The following BMX variants were observed in gnomAD, a reference collection of about 807,000 sequenced individuals.
The protein encoded by BMX is BMX non-receptor tyrosine kinase, also known as cytoplasmic tyrosine-protein kinase BMX.
BMX carries 31 observed loss-of-function variants against 59.2 expected under a neutral mutation model. The ratio of observed to expected loss-of-function variants is 0.52; its 90% confidence interval spans 0.39 to 0.71. The LOEUF (loss-of-function observed/expected upper bound fraction) is 0.71, where lower values mean the gene tolerates loss of function less well. Among genes scored for constraint, BMX ranks in the 30% least tolerant of loss-of-function variants. The pLI, the probability that BMX is intolerant of heterozygous loss-of-function variation, is 0.00. For synonymous variants in BMX, 185 were observed against 181.0 expected (o/e 1.02, Z -0.18); for missense variants, 474 against 491.7 (o/e 0.96, Z 0.34).
chrX:15,506,306 T>C (rs936468459), intron 1 of BMX, among the ~76,000 whole-genome samples: 1 of 112,051 alleles, frequency 8.9e-6, no homozygotes, highest in African/African-American at 3.3e-5. Flanking sequence ...TAATACAGTG[T>C]TGTTAATGTC....
At chrX:15,534,491 C>A in intron 12 of BMX, 152 bp downstream of exon 12, 1 of 452,524 alleles carries the variant, frequency 2.2e-6, no homozygotes, top group Non-Finnish European at 3.3e-6. Flanking sequence ...TAATTTTTAG[C>A]TTACATTCCC....
chrX:15,516,719 G>A (rs56803997), intron 5 of BMX, among the ~76,000 whole-genome samples: 11,397 of 108,953 alleles, frequency 0.1, 1,455 homozygotes, highest in African/African-American at 0.36. Flanking sequence ...TCATCACCAT[G>A]TATACTAAAA....
intron 6 of BMX, 132 bp downstream of exon 6, chrX:15,518,125 A>G (rs1032574891): frequency 4.2e-6 from 2 of 472,084 alleles, no homozygotes; most frequent in Non-Finnish European, 3.5e-6. Context: ...CATGAGCTCT[A>G]GATAATAGCT....
chrX:15,511,383 A>G (rs1461574914), intron 3 of BMX, 54 bp from the exon 4 acceptor site: 2 of 1,057,050 alleles, frequency 1.9e-6, no homozygotes, highest in Non-Finnish European at 2.6e-6. Context: ...CAGGTGCACC[A>G]AAGTGAAGTA....
chrX:15,543,656 A>C (rs1049882243), intron 16 of BMX, among the ~76,000 whole-genome samples: 8 of 106,577 alleles, frequency 7.5e-5, no homozygotes, highest in Non-Finnish European at 1.4e-4. Context: ...TAAAAAAAAA[A>C]CCTGATGTTC....
chrX:15,525,878 C>T lies in BMX; in HGVS notation c.831-164C>T, dbSNP rs186659886. ...CAACTTTTGAGTGACTCTCTCTTTACTGTTGCTGTGTTGATACTTTGCCAG... is the reference window on the plus strand; with the variant it reads ...CAACTTTTGAGTGACTCTCTCTTTATTGTTGCTGTGTTGATACTTTGCCAG... On this transcript the variant is annotated intron_variant, in intron 8 of 18. Coordinates refer to ENST00000348343, the MANE Select transcript of BMX (RefSeq NM_203281.3). Among the ~76,000 whole-genome samples, 20 of 112,422 alleles carry T rather than the reference C, an allele frequency of 1.8e-4. No homozygotes were observed. The Admixed American group carries it at 1.9e-3, about 11-fold the overall frequency.
intron 2 of BMX, 23 bp downstream of exon 2, chrX:15,508,514 A>G: frequency 9.1e-7 from 1 of 1,100,128 alleles, no homozygotes; most frequent in Non-Finnish European, 1.2e-6. Context: ...GTGTTCCATT[A>G]TTTTTATACT....
chrX:15,511,002 C>T (rs1302140460), intron 3 of BMX, among the ~76,000 whole-genome samples: 1 of 111,925 alleles, frequency 8.9e-6, no homozygotes, highest in African/African-American at 3.2e-5. Flanking sequence ...TGGATATTGG[C>T]AGAGATGACA....
chrX:15,551,187 ACATTATTCTAAGAGCC>A (rs1329374842), intron 18 of BMX, among the ~76,000 whole-genome samples: 1 of 111,683 alleles, frequency 9.0e-6, no homozygotes, highest in African/African-American at 3.3e-5. Flanking sequence ...GCTTTTGAGA[ACATTATTCTAAGAGCC>A]CATGTTCATA....
chrX:15,511,771 C>A (rs1381570093), intron 4 of BMX, among the ~76,000 whole-genome samples: 1 of 111,620 alleles, frequency 9.0e-6, no homozygotes, highest in African/African-American at 3.3e-5. Context: ...GCCTTCCCAG[C>A]AGCTTAGGGG....
At chrX:15,526,402 T>C (rs1179305716) in intron 9 of BMX, among the ~76,000 whole-genome samples, 3 of 112,212 alleles carry the variant, frequency 2.7e-5, no homozygotes, top group Admixed American at 1.9e-4. Flanking sequence ...ATAATGTTTC[T>C]GCTCATTATT....
In BMX at chrX:15,511,472, A is replaced by G; in HGVS notation, c.279A>G (p.Ala93=). 4 of 1,207,403 alleles carry G rather than the reference A, an allele frequency of 3.3e-6. No homozygotes were observed. Among genetic ancestry groups the G allele is most frequent in the Non-Finnish European group, 4.5e-6 (4 of 893,138 alleles). ...AAGATGGGCTTCTCTATGTCTATGC[A>G]TCAAATGAAGAGAGCCGAAGTCAGT... ...VYKDGLLYVY[A]SNEESRSQWL... Residue 93 remains alanine, a synonymous_variant, in exon 4 of 19, where the codon GCA becomes GCG. Coordinates refer to ENST00000348343, the MANE Select transcript of BMX (RefSeq NM_203281.3).
intron 18 of BMX, among the ~76,000 whole-genome samples, chrX:15,550,438 C>T (rs756085885): frequency 3.6e-5 from 4 of 110,645 alleles, no homozygotes; most frequent in African/African-American, 6.6e-5. Flanking sequence ...TCTAACCACA[C>T]GTAGAGAACA....
intron 1 of BMX, chrX:15,507,440 A>T: frequency 3.1e-6 from 2 of 652,392 alleles, no homozygotes; most frequent in Non-Finnish European, 3.7e-6. Context: ...ATCAATAAAG[A>T]AAGATTTTAA....
intron 18 of BMX, among the ~76,000 whole-genome samples, chrX:15,551,048 A>G (rs1023704888): frequency 1.8e-5 from 2 of 111,419 alleles, no homozygotes; most frequent in Non-Finnish European, 3.8e-5. Context: ...AGGGCTGGAG[A>G]TAAGTTTGGA....
chrX:15,522,231 C>T, intron 6 of BMX, 115 bp from the exon 7 acceptor site: 1 of 947,680 alleles, frequency 1.1e-6, no homozygotes, highest in Non-Finnish European at 1.5e-6. Context: ...CCCTTCCTCC[C>T]TCCCTTCTCT....
chrX:15,511,583 T>C, intron 4 of BMX, 65 bp downstream of exon 4: 1 of 953,038 alleles, frequency 1.0e-6, no homozygotes, highest in Non-Finnish European at 1.5e-6. Flanking sequence ...GAGTCGTTTT[T>C]TGAGGCTTGG....
chrX:15,514,898 A>T (rs1208039014), intron 4 of BMX, among the ~76,000 whole-genome samples: 1 of 111,457 alleles, frequency 9.0e-6, no homozygotes, highest in Non-Finnish European at 1.9e-5. Context: ...AAAGTGAGTG[A>T]TTATAAAGGC....
intron 11 of BMX, 55 bp from the exon 12 acceptor site, chrX:15,534,157 C>T (rs1258708790): frequency 9.8e-7 from 1 of 1,022,974 alleles, no homozygotes; most frequent in Non-Finnish European, 1.3e-6. Flanking sequence ...TTAACCCTTG[C>T]TTAATCAAGC....
Sources: allele counts gnomAD v4.1 joint callset (sites outside exome capture counted in the v4.1 genomes callset), GRCh38; gene constraint gnomAD v4.1.1; transcripts MANE v1.5; gene names NCBI Gene and HGNC (gene_info 2026-07-23, HGNC 2026-07-21).